Variants in XKR9 observed in about 807,000 individuals in gnomAD.
XKR9 encodes XK-related protein 9.
A neutral mutation model predicts 32.0 loss-of-function variants in XKR9; 32 were observed. The observed-to-expected ratio is 1.00, with a 90% CI of 0.76 to 1.34. The LOEUF (loss-of-function observed/expected upper bound fraction) is 1.34, where lower values mean the gene tolerates loss of function less well. XKR9 is among the 40% of genes most tolerant of loss of function. The pLI is 0.00. For missense variants in XKR9, 546 were observed against 429.7 expected, an observed-to-expected ratio of 1.27 and a Z score of -2.39; for synonymous variants, 168 against 143.4, an observed-to-expected ratio of 1.17 and a Z score of -1.22.
intron 2 of XKR9, among the ~76,000 whole-genome samples, chr8:70,771,356 G>C (rs189589187): frequency 6.6e-6 from 1 of 152,084 alleles, no homozygotes; most frequent in Non-Finnish European, 1.5e-5. Context: ...GTTCCTATTC[G>C]GCCATCTAGA....
At chr8:70,787,174 A>G (rs958201025) in intron 2 of XKR9, among the ~76,000 whole-genome samples, 8 of 152,294 alleles carry the variant, frequency 5.3e-5, no homozygotes, top group Non-Finnish European at 1.0e-4. Context: ...CTGTATCTCC[A>G]TGTTGTAGCC....
intron 2 of XKR9, among the ~76,000 whole-genome samples, chr8:70,741,160 A>T (rs1456085147): frequency 6.6e-6 from 1 of 152,230 alleles, no homozygotes; most frequent in East Asian, 1.9e-4. Context: ...TACCTAAGCA[A>T]GCCTGGGCAA....
At chr8:71,044,376 C>G in the XKR9 span, among the ~76,000 whole-genome samples, 3 of 151,598 alleles carry the variant, frequency 2.0e-5, no homozygotes, top group African/African-American at 7.3e-5. Context: ...CAGAACAGCC[C>G]CAGAGATAAG....
chr8:70,711,418 T>C (rs1805915859), intron 4 of XKR9, among the ~76,000 whole-genome samples: 1 of 152,184 alleles, frequency 6.6e-6, no homozygotes, highest in Non-Finnish European at 1.5e-5. Flanking sequence ...ATGTGGTACA[T>C]ATATACCATG....
chr8:70,855,148 GAGA>G, the XKR9 span, among the ~76,000 whole-genome samples: 1 of 152,062 alleles, frequency 6.6e-6, no homozygotes, highest in Non-Finnish European at 1.5e-5. Flanking sequence ...GACGAGTTGA[GAGA>G]AGAAGGCTTC....
At chr8:70,853,091 T>A in the XKR9 span, among the ~76,000 whole-genome samples, 1 of 152,128 alleles carries the variant, frequency 6.6e-6, no homozygotes, top group Non-Finnish European at 1.5e-5. Context: ...CTATAATAAT[T>A]TGCAACAACA....
the XKR9 span, among the ~76,000 whole-genome samples, chr8:71,018,032 GT>G: frequency 3.3e-5 from 5 of 152,074 alleles, no homozygotes; most frequent in Non-Finnish European, 7.3e-5. Context: ...ATAGTAATAG[GT>G]TTTTTTCCTC....
At chr8:70,806,388 C>A in the XKR9 span, among the ~76,000 whole-genome samples, 822 of 152,216 alleles carry the variant, frequency 5.4e-3, 12 homozygotes, top group African/African-American at 0.019. Flanking sequence ...ATTTCTCCAG[C>A]AAAAGTGCAG....
the XKR9 span, among the ~76,000 whole-genome samples, chr8:70,924,439 G>A: frequency 6.6e-6 from 1 of 152,134 alleles, no homozygotes; most frequent in Non-Finnish European, 1.5e-5. Flanking sequence ...GGGGGAAAAT[G>A]TCAATACTCA....
intron 3 of XKR9, among the ~76,000 whole-genome samples, chr8:70,692,497 A>C (rs984185466): frequency 6.6e-6 from 1 of 151,942 alleles, no homozygotes; most frequent in Non-Finnish European, 1.5e-5. Flanking sequence ...GTCTTGTACG[A>C]GTTTTCAAGG....
the XKR9 span, among the ~76,000 whole-genome samples, chr8:70,874,680 T>C: frequency 2.6e-5 from 4 of 152,214 alleles, no homozygotes; most frequent in African/African-American, 9.6e-5. Context: ...ATGTATTGAC[T>C]TCGTATCTGA....
chr8:70,746,614 C>G (rs570419119), intron 2 of XKR9, among the ~76,000 whole-genome samples: 2 of 151,908 alleles, frequency 1.3e-5, no homozygotes, highest in South Asian at 4.1e-4. Flanking sequence ...GTTATATTTT[C>G]TTTTTGCCTA....
the XKR9 span, among the ~76,000 whole-genome samples, chr8:70,879,340 T>C: frequency 6.6e-6 from 1 of 150,824 alleles, no homozygotes; most frequent in Admixed American, 6.6e-5. Flanking sequence ...GACACAAAAA[T>C]CCCTTTAAAA....
chr8:70,840,895 A>G, the XKR9 span, among the ~76,000 whole-genome samples: 24 of 152,318 alleles, frequency 1.6e-4, no homozygotes, highest in African/African-American at 5.5e-4. Context: ...AGTGTTTATA[A>G]AAAATGGTTA....
the XKR9 span, among the ~76,000 whole-genome samples, chr8:71,045,109 C>T: frequency 3.3e-5 from 5 of 152,118 alleles, no homozygotes; most frequent in South Asian, 2.1e-4. Context: ...TATAGTTTTA[C>T]GAAAATAAAA....
chr8:70,930,735 G>T, the XKR9 span, among the ~76,000 whole-genome samples: 1 of 152,146 alleles, frequency 6.6e-6, no homozygotes, highest in African/African-American at 2.4e-5. Context: ...TCATGGCGTG[G>T]CTCAGGGGAT....
At chr8:70,927,699 A>T in the XKR9 span, among the ~76,000 whole-genome samples, 3 of 152,262 alleles carry the variant, frequency 2.0e-5, no homozygotes, top group South Asian at 6.2e-4. Flanking sequence ...CACTTCCCCA[A>T]AGGACCTGCC....
At chr8:71,026,788 T>G in the XKR9 span, among the ~76,000 whole-genome samples, 1 of 152,240 alleles carries the variant, frequency 6.6e-6, no homozygotes, top group Non-Finnish European at 1.5e-5. Flanking sequence ...AAAAGTCTGC[T>G]TGTTCTGTGT....
the XKR9 span, among the ~76,000 whole-genome samples, chr8:70,904,173 T>G: frequency 1.3e-5 from 2 of 152,206 alleles, no homozygotes; most frequent in East Asian, 1.9e-4. Flanking sequence ...CTGGATATCC[T>G]TGTTAACTTT....
Sources: gnomAD v4.1 joint callset for allele counts (sites outside exome capture counted in the v4.1 genomes callset) on GRCh38, gnomAD v4.1.1 for gene constraint, MANE v1.5 for transcripts, NCBI Gene and HGNC (gene_info 2026-07-23, HGNC 2026-07-21) for gene names.